Variants in DCBLD1 observed in about 807,000 individuals in gnomAD.
The protein encoded by DCBLD1 is discoidin, CUB and LCCL domain containing 1.
In DCBLD1, 57 loss-of-function variants were observed where a neutral mutation model predicts 71.5. The ratio of observed to expected loss-of-function variants is 0.80; its 90% CI spans 0.64 to 0.99. The LOEUF (loss-of-function observed/expected upper bound fraction) is 0.99. DCBLD1 is among the 50% of genes least tolerant of loss of function. The pLI, the probability that DCBLD1 is intolerant of heterozygous loss-of-function variation, is 0.00. For synonymous variants in DCBLD1, 380 were observed against 363.8 expected (o/e 1.04, Z -0.51); for missense variants, 891 against 923.5 (o/e 0.96, Z 0.46).
chr6:117,499,647 A>G (rs1426749453), intron 1 of DCBLD1, among the ~76,000 whole-genome samples: 3 of 152,166 alleles, frequency 2.0e-5, no homozygotes, highest in African/African-American at 7.2e-5. Context: ...AGTTTCCCTC[A>G]ATTATAACAT....
chr6:117,527,080 C>T (rs1583009867), intron 5 of DCBLD1, among the ~76,000 whole-genome samples: 1 of 152,214 alleles, frequency 6.6e-6, no homozygotes, highest in East Asian at 1.9e-4. Context: ...AGGCCATCCT[C>T]AGTTCTTGCC....
rs556612917 is a variant in DCBLD1 at position 117,555,129 on chromosome 6, A to G, written c.1615+9532A>G. On this transcript the variant is annotated intron_variant, in intron 14 of 14. Transcript: ENST00000296955. ...CAATTCCTTCAATTTTTCCTATGGA[A>G]ATTGGTTTGTTTAGATTTTAAAACT... Among the ~76,000 whole-genome samples, 4 of 152,278 alleles carry G rather than the reference A, an allele frequency of 2.6e-5. No homozygotes were observed. The East Asian group carries it at 7.7e-4, about 29-fold the overall frequency.
Position 117,545,551 on chromosome 6 carries a change from G to GAT in DCBLD1, c.1570_1571insTA (p.Lys524IlefsTer4). On this transcript the variant is annotated frameshift_variant, in exon 14 of 15. Transcript: ENST00000338728. LOFTEE classifies it low-confidence loss of function (END_TRUNC). ...AGTTTACCATCAGCTATGATAATGA[G>GAT]AAGGAGATGACACAAAAGTTAGATC... 1.9e-6 allele frequency: 3 copies of GAT among 1,614,172 alleles called. No homozygotes were observed. The highest frequency in any genetic ancestry group is 2.5e-6 in the Non-Finnish European group (3 of 1,180,024).
chr6:117,543,471 C>T (rs770124353), intron 12 of DCBLD1, among the ~76,000 whole-genome samples: 1 of 152,164 alleles, frequency 6.6e-6, no homozygotes, highest in Non-Finnish European at 1.5e-5. Flanking sequence ...CTCCTGGGCT[C>T]AAGCAAACCC....
At chr6:117,541,741 C>CTGTTTCTAGTCAACTACATTTA (rs1178295745) in intron 11 of DCBLD1, among the ~76,000 whole-genome samples, 1 of 152,152 alleles carries the variant, frequency 6.6e-6, no homozygotes, top group African/African-American at 2.4e-5. Context: ...CCAAATCTCA[C>CTGTTTCTAGTCAACTACATTTA]TGTTTCTAGT....
In DCBLD1 at chr6:117,548,854, A is replaced by G. The variant is rs1779367861; in HGVS notation, c.*415A>G. The G allele has an allele frequency of 2.9e-6, 3 of 1,035,208 alleles. No individual in the cohort carries two copies. Among genetic ancestry groups the G allele is most frequent in the Non-Finnish European group, 3.5e-6 (3 of 860,968 alleles). The allele number at this position is 1,035,208 out of a possible 1,614,324, so 64.1% of individuals were successfully genotyped here. On this transcript the variant is annotated 3_prime_UTR_variant, in exon 15 of 15. Transcript: ENST00000338728. ...AAAATGCAGCTGTTGCAAAATGTAT[A>G]TAAATAGTATGTTCATTTTTTTCAG...
At chr6:117,510,289 C>T (rs1413123370) in intron 2 of DCBLD1, among the ~76,000 whole-genome samples, 1 of 152,038 alleles carries the variant, frequency 6.6e-6, no homozygotes, top group African/African-American at 2.4e-5. Context: ...CCATGTCCCC[C>T]TCTTTTTCTT....
At chr6:117,527,656 A>C (rs2114510397) in intron 5 of DCBLD1, among the ~76,000 whole-genome samples, 1 of 152,182 alleles carries the variant, frequency 6.6e-6, no homozygotes, top group East Asian at 1.9e-4. Flanking sequence ...AAAATGGGAT[A>C]GGCTGTCTCG....
Position 117,549,155 on chromosome 6 carries a change from G to C in DCBLD1, c.*716G>C. 1 of 985,478 alleles carries C rather than the reference G, an allele frequency of 1.0e-6. No homozygotes were observed. The highest frequency in any genetic ancestry group is 4.7e-5 in the South Asian group (1 of 21,292). The allele number at this position is 985,478 out of a possible 1,614,324, so 61.0% of individuals were successfully genotyped here. A position where few individuals can be genotyped will look rare whatever the true frequency, so the allele number is the denominator to read the frequency against. Reference sequence around the variant, plus strand: ...AGGGGGATGCGAAGAGGTCGGCCCAGCTCCGGTGACCATGAAGGTGGCACA... The same window carrying C: ...AGGGGGATGCGAAGAGGTCGGCCCACCTCCGGTGACCATGAAGGTGGCACA... On this transcript the variant is annotated 3_prime_UTR_variant, in exon 15 of 15. Transcript: ENST00000338728.
chr6:117,554,651 TTGGGAGGCTG>T (rs1258234003), downstream of DCBLD1, among the ~76,000 whole-genome samples: 4 of 152,164 alleles, frequency 2.6e-5, no homozygotes, highest in Non-Finnish European at 5.9e-5. Flanking sequence ...TCCCAGCACT[TTGGGAGGCTG>T]AGGCGGGCGG....
intron 9 of DCBLD1, chr6:117,540,100 TG>T (rs1258314500): frequency 6.6e-6 from 1 of 152,386 alleles, no homozygotes; most frequent in Non-Finnish European, 1.5e-5. Flanking sequence ...AAAAGAAAGA[TG>T]GGGCTTTCTT....
Position 117,503,956 on chromosome 6 carries a change from T to G in DCBLD1, c.302T>G (p.Phe101Cys). ...ACCTGTGCTTCTGACTATCTTCTCT[T>G]CACCAGCTCTTCAGATCAATATGGT... Reference protein sequence around the residue: ...SQTCASDYLLFTSSSDQYGPY... With the variant: ...SQTCASDYLLCTSSSDQYGPY... The change falls in exon 2 of 15, where the codon TTC becomes TGC. Residue 101 changes from phenylalanine (F) to cysteine (C), a missense_variant. Phe to Cys is a radical substitution (Grantham distance 205). Transcript: ENST00000338728. 6.2e-7 allele frequency: 1 copy of G among 1,614,070 alleles called. No individual in the cohort carries two copies. The highest frequency in any genetic ancestry group is 8.5e-7 in the Non-Finnish European group (1 of 1,179,934).
chr6:117,520,573 G>A (rs1373210897), intron 3 of DCBLD1, among the ~76,000 whole-genome samples: 1 of 152,198 alleles, frequency 6.6e-6, no homozygotes, highest in East Asian at 1.9e-4. Flanking sequence ...TGCACAGTGT[G>A]TGTAGGATGA....
chr6:117,525,240 A>G, intron 4 of DCBLD1, 122 bp from the exon 5 acceptor site: 1 of 608,640 alleles, frequency 1.6e-6, no homozygotes, highest in Non-Finnish European at 2.3e-6. Context: ...CAGGTTTCTA[A>G]TTTGCCATTA....
chr6:117,562,317 G>A (rs574260353), intron 14 of DCBLD1: 1 of 202,712 alleles, frequency 4.9e-6, no homozygotes, highest in South Asian at 1.9e-4. Flanking sequence ...CGTTTGATTT[G>A]AATGTACTGT....
At chr6:117,482,982 TACGGGGCGGGCCGGG>T in intron 1 of DCBLD1, 89 bp downstream of exon 1, 1 of 581,846 alleles carries the variant, frequency 1.7e-6, no homozygotes, top group Non-Finnish European at 2.0e-6. Flanking sequence ...GGCCGAGGGC[TACGGGGCGGGCCGGG>T]CCTGGGGGGA....
chr6:117,558,891 C>T (rs530961259), intron 14 of DCBLD1, among the ~76,000 whole-genome samples: 36 of 152,240 alleles, frequency 2.4e-4, no homozygotes, highest in African/African-American at 5.5e-4. Context: ...CACAGTAAAC[C>T]GCACTTACCA....
intron 5 of DCBLD1, among the ~76,000 whole-genome samples, chr6:117,528,286 A>G (rs1012416303): frequency 1.3e-5 from 2 of 152,246 alleles, no homozygotes; most frequent in Admixed American, 1.3e-4. Flanking sequence ...TGACATGGTA[A>G]TTAGGAGGAC....
intron 14 of DCBLD1, among the ~76,000 whole-genome samples, chr6:117,555,299 T>C (rs967474485): frequency 3.3e-5 from 5 of 152,252 alleles, no homozygotes; most frequent in African/African-American, 4.8e-5. Flanking sequence ...TTTGTATATT[T>C]GCATTTACTC....
Sources: gnomAD v4.1 joint callset for allele counts (sites outside exome capture counted in the v4.1 genomes callset) on GRCh38, gnomAD v4.1.1 for gene constraint, MANE v1.5 for transcripts, NCBI Gene and HGNC (gene_info 2026-07-23, HGNC 2026-07-21) for gene names.